ASB15: variants seen among roughly 807,000 people sequenced by gnomAD.
ASB15 encodes ankyrin repeat and SOCS box containing 15, also known as ankyrin repeat and SOCS box protein 15.
In ASB15, 54 loss-of-function variants were observed where a neutral mutation model predicts 58.0. That is an observed-to-expected ratio of 0.93 (90% CI 0.75 to 1.17). The LOEUF (loss-of-function observed/expected upper bound fraction) is 1.17. ASB15 is among the 50% of genes most tolerant of loss of function. ASB15 has a pLI of 0.00. For synonymous variants in ASB15, 249 were observed against 262.4 expected, an observed-to-expected ratio of 0.95 and a Z score of 0.50; for missense variants, 680 against 707.4, an observed-to-expected ratio of 0.96 and a Z score of 0.44.
rs181164793 is a variant in ASB15 at position 123,639,134 on chromosome 7, C to T, written c.*2153C>T. 2.0e-5 allele frequency: 3 copies of T among 150,670 alleles called. No homozygotes were observed. The highest frequency in any genetic ancestry group is 1.9e-4 in the East Asian group (1 of 5,140). 9.3% of individuals were successfully genotyped at this position (150,670 alleles called of 1,614,324 possible). On this transcript the variant is annotated 3_prime_UTR_variant, in exon 12 of 12. Transcript: ENST00000451215. Reference sequence around the variant, plus strand: ...CTTATATTTATTTTTACCTTGTTACCGTATTCTTTAAACAGTAATATCTCA... The same window carrying T: ...CTTATATTTATTTTTACCTTGTTACTGTATTCTTTAAACAGTAATATCTCA...
intron 1 of ASB15, among the ~76,000 whole-genome samples, chr7:123,588,896 G>A (rs1799450868): frequency 1.3e-5 from 2 of 149,492 alleles, no homozygotes; most frequent in Admixed American, 6.7e-5. Flanking sequence ...TTCTATTATT[G>A]GTTTCTTGTT....
intron 1 of ASB15, among the ~76,000 whole-genome samples, chr7:123,576,115 T>A (rs971194885): frequency 2.6e-5 from 4 of 151,396 alleles, no homozygotes; most frequent in Non-Finnish European, 5.9e-5. Flanking sequence ...TCCTTAAGAC[T>A]TTCTTTATTT....
chr7:123,574,730 G>T (rs1256118754), intron 1 of ASB15, among the ~76,000 whole-genome samples: 1 of 151,636 alleles, frequency 6.6e-6, no homozygotes, highest in Non-Finnish European at 1.5e-5. Context: ...ACTGTACTTT[G>T]TTCAAAAGAT....
Position 123,637,198 on chromosome 7 carries a change from G to T in ASB15, c.*217G>T. 1 of 328,606 alleles carries T rather than the reference G, an allele frequency of 3.0e-6. No individual in the cohort carries two copies. The highest frequency in any genetic ancestry group is 5.5e-6 in the Non-Finnish European group (1 of 180,908). 20.4% of individuals were successfully genotyped at this position (328,606 alleles called of 1,614,324 possible). On this transcript the variant is annotated 3_prime_UTR_variant, in exon 12 of 12. Coordinates refer to ENST00000451215, the MANE Select transcript of ASB15 (RefSeq NM_001290258.2). Reference sequence around the variant, plus strand: ...ATTTTGAACTTAGATTTGTATCTTTGTTTGCTACAAGTCATCAAACTCTCC... The same window carrying T: ...ATTTTGAACTTAGATTTGTATCTTTTTTTGCTACAAGTCATCAAACTCTCC...
intron 7 of ASB15, among the ~76,000 whole-genome samples, chr7:123,620,970 C>T (rs966049824): frequency 5.3e-5 from 8 of 152,100 alleles, no homozygotes; most frequent in African/African-American, 1.7e-4. Context: ...AAAGGACACA[C>T]TTCCAGAATT....
chr7:123,571,772 T>C (rs1670052689), intron 1 of ASB15, among the ~76,000 whole-genome samples: 1 of 152,204 alleles, frequency 6.6e-6, no homozygotes, highest in Non-Finnish European at 1.5e-5. Flanking sequence ...AAGTTGATAA[T>C]ATAGTCCCAC....
upstream of ASB15, among the ~76,000 whole-genome samples, chr7:123,599,199 T>C (rs992583677): frequency 6.6e-6 from 1 of 152,078 alleles, no homozygotes; most frequent in African/African-American, 2.4e-5. Context: ...TATACATGGG[T>C]ATTGCTTACT....
chr7:123,607,028 T>C (rs1266575588), intron 2 of ASB15, among the ~76,000 whole-genome samples: 2 of 152,208 alleles, frequency 1.3e-5, no homozygotes, highest in Admixed American at 1.3e-4. Context: ...GAAACCTTTG[T>C]ACTGTTTTTT....
chr7:123,601,056 G>A (rs1799858918), upstream of ASB15, among the ~76,000 whole-genome samples: 1 of 152,202 alleles, frequency 6.6e-6, no homozygotes, highest in South Asian at 2.1e-4. Flanking sequence ...AGTTGTTTTA[G>A]TAGGGGGGTG....
intron 1 of ASB15, among the ~76,000 whole-genome samples, chr7:123,602,840 G>A (rs1187213608): frequency 6.6e-6 from 1 of 152,110 alleles, no homozygotes; most frequent in African/African-American, 2.4e-5. Flanking sequence ...CATAGTTAGA[G>A]TATACTGGTT....
intron 1 of ASB15, among the ~76,000 whole-genome samples, chr7:123,582,111 G>T (rs959226833): frequency 6.6e-6 from 1 of 151,952 alleles, no homozygotes; most frequent in African/African-American, 2.4e-5. Flanking sequence ...AGGAGAAATT[G>T]CTCAAGCTGA....
At chr7:123,632,092 T>A (rs1490219971) in intron 11 of ASB15, among the ~76,000 whole-genome samples, 1 of 151,358 alleles carries the variant, frequency 6.6e-6, no homozygotes, top group Non-Finnish European at 1.5e-5. Flanking sequence ...ATAATAATAA[T>A]AATAATAATA....
chr7:123,603,245 T>C (rs1799973321), intron 1 of ASB15, among the ~76,000 whole-genome samples: 1 of 152,178 alleles, frequency 6.6e-6, no homozygotes, highest in Non-Finnish European at 1.5e-5. Flanking sequence ...TGTCTAGCCC[T>C]GTGCCTGGAA....
At chr7:123,612,440 G>C (rs146444118) in intron 3 of ASB15, 174 of 152,324 alleles carry the variant, frequency 1.1e-3, no homozygotes, top group African/African-American at 4.0e-3. Context: ...GAATGAATGA[G>C]TATAAACCCA....
chr7:123,581,495 A>G (rs1254712608), intron 1 of ASB15, among the ~76,000 whole-genome samples: 2 of 151,266 alleles, frequency 1.3e-5, no homozygotes, highest in African/African-American at 2.4e-5. Context: ...CTTAAGTCCT[A>G]AGGGCACATT....
At chr7:123,584,552 T>C (rs565433037) in intron 1 of ASB15, among the ~76,000 whole-genome samples, 2 of 152,068 alleles carry the variant, frequency 1.3e-5, no homozygotes, top group African/African-American at 4.8e-5. Flanking sequence ...TGTAATAGAT[T>C]AGTATAATAT....
At chr7:123,597,929 T>C (rs1799750275), upstream of ASB15, among the ~76,000 whole-genome samples, 1 of 150,532 alleles carries the variant, frequency 6.6e-6, no homozygotes, top group Non-Finnish European at 1.5e-5. Flanking sequence ...TGTGTGTGTG[T>C]GTGTGTGTGT....
intron 1 of ASB15, among the ~76,000 whole-genome samples, chr7:123,585,421 T>C (rs755276373): frequency 2.0e-5 from 3 of 151,808 alleles, no homozygotes; most frequent in Non-Finnish European, 4.4e-5. Flanking sequence ...GGAATGCATA[T>C]GCAATATTGC....
chr7:123,638,536 A>G lies in ASB15; in HGVS notation c.*1555A>G, dbSNP rs113299757. 7.2e-4 allele frequency: 110 copies of G among 152,286 alleles called. No individual in the cohort carries two copies. Among genetic ancestry groups the G allele is most frequent in the East Asian group, 9.7e-4 (5 of 5,180 alleles). The allele number at this position is 152,286 out of a possible 1,614,324, so 9.4% of individuals were successfully genotyped here. A position where few individuals can be genotyped will look rare whatever the true frequency, so the allele number is the denominator to read the frequency against. On this transcript the variant is annotated 3_prime_UTR_variant, in exon 12 of 12. Transcript: ENST00000451215. ...AGATGGTCATAAATTCAGTCATTCA[A>G]GTTGAATGACTTTTACCTTGAAAAG...
Sources: gnomAD v4.1 joint callset for allele counts (sites outside exome capture counted in the v4.1 genomes callset) on GRCh38, gnomAD v4.1.1 for gene constraint, MANE v1.5 for transcripts, NCBI Gene and HGNC (gene_info 2026-07-23, HGNC 2026-07-21) for gene names.